Variants in MYO7A observed in about 807,000 individuals in gnomAD.
MYO7A encodes the protein unconventional myosin-VIIa.
In MYO7A, 210 loss-of-function variants were observed where a neutral mutation model predicts 263.8. That is an observed-to-expected ratio of 0.80 (90% confidence interval 0.71 to 0.89). The LOEUF (loss-of-function observed/expected upper bound fraction) is 0.89. Ranked by LOEUF, MYO7A falls within the 40% of genes least tolerant of loss-of-function variation. The probability of loss-of-function intolerance (pLI) is 0.00; values close to 1 mark genes in which losing one functional copy is unlikely to be tolerated. For synonymous variants in MYO7A, 1,239 were observed against 1,197.3 expected, an observed-to-expected ratio of 1.03 and a Z score of -0.72; for missense variants, 2,820 against 2,968.3, an observed-to-expected ratio of 0.95 and a Z score of 1.16.
chr11:77,211,459 T>A, intron 45 of MYO7A, 122 bp downstream of exon 45: 1 of 1,134,682 alleles, frequency 8.8e-7, no homozygotes, highest in Non-Finnish European at 1.2e-6. Context: ...TTCTTGTACT[T>A]GATGAGGCCG....
Position 77,162,268 on chromosome 11 carries a change from A to G in MYO7A, c.1492A>G (p.Met498Val). 1.3e-6 allele frequency: 2 copies of G among 1,554,838 alleles called. No individual in the cohort carries two copies. Among genetic ancestry groups the G allele is most frequent in the Non-Finnish European group, 1.7e-6 (2 of 1,148,628 alleles). The change falls in exon 13 of 49, where the codon ATG becomes GTG. Residue 498 changes from methionine to valine, a missense_variant. By Grantham distance (21) the Met-to-Val change is conservative (BLOSUM62 1). Transcript: ENST00000409709. ...EFTDNQDALD[M>V]IANKPMNIIS... ...CACTGACAACCAGGATGCCCTGGAC[A>G]TGATTGCCAACAAGCCCATGAACAT...
chr11:77,156,142 CA>C lies in MYO7A; in HGVS notation c.470+53del. 3.2e-6 allele frequency: 5 copies of C among 1,585,030 alleles called. No homozygotes were observed. In the Admixed American group the frequency reaches 8.7e-5, roughly 27 times the overall value. On this transcript the variant is annotated intron_variant, in intron 5 of 48. Transcript: ENST00000409709. ...GCTCCAGGCTTAGGACCTAGAGCTC[CA>C]ACTGTGCGCTCCTGCTGATACCTCT...
At chr11:77,136,596 C>T (rs1009055790) in intron 2 of MYO7A, among the ~76,000 whole-genome samples, 2 of 152,218 alleles carry the variant, frequency 1.3e-5, no homozygotes, top group Admixed American at 6.5e-5. Context: ...ACCCCTAACA[C>T]GACTCCCTTA....
At chr11:77,131,254 A>G (rs1485198937) in intron 2 of MYO7A, among the ~76,000 whole-genome samples, 3 of 152,190 alleles carry the variant, frequency 2.0e-5, no homozygotes, top group African/African-American at 7.2e-5. Flanking sequence ...GCCCTGAGCC[A>G]GGTGGGCCTG....
At position 77,179,799 on chromosome 11, in the gene MYO7A, G is replaced by A. The variant is rs1050941800; in HGVS notation, c.2432G>A (p.Arg811His). Residue 811 changes from arginine (R) to histidine (H), a missense_variant, in exon 21 of 49, where the codon CGC (arginine) becomes CAC (histidine). Physicochemically the swap from Arg to His is conservative, Grantham distance 29. Coordinates refer to ENST00000409709, the MANE Select transcript of MYO7A (RefSeq NM_000260.4). ...TCCCGGAAGCTGCACCAGCAGTACC[G>A]CCTGGCCCGCCAGCGCATCATCCAG... is the stretch of plus-strand genomic sequence containing the variant. Reference protein sequence around the residue: ...HRSRKLHQQYRLARQRIIQFQ... With the variant: ...HRSRKLHQQYHLARQRIIQFQ... 78 of 1,548,598 alleles carry A rather than the reference G, an allele frequency of 5.0e-5. No individual in the cohort carries two copies. The highest frequency in any genetic ancestry group is 5.8e-5 in the Non-Finnish European group (67 of 1,149,070).
At position 77,190,154 on chromosome 11, in the gene MYO7A, A is replaced by G. The variant is rs534241957; in HGVS notation, c.3750+15A>G. ...TGGAGCTGCAGGTTCGTGCGTGTGT[A>G]TGCACGTGCTCGTGTGCATGTGTGC... On this transcript the variant is annotated intron_variant, in intron 29 of 48. Coordinates refer to ENST00000409709, the MANE Select transcript of MYO7A (RefSeq NM_000260.4). 3.2e-5 allele frequency: 50 copies of G among 1,547,390 alleles called. No individual in the cohort carries two copies. The highest frequency in any genetic ancestry group is 4.0e-5 in the Non-Finnish European group (46 of 1,146,160).
intron 14 of MYO7A, among the ~76,000 whole-genome samples, chr11:77,163,962 A>G (rs1953276070): frequency 6.6e-6 from 1 of 152,020 alleles, no homozygotes; most frequent in East Asian, 1.9e-4. Context: ...ATTTAGGGAA[A>G]CTGAGGCTCA....
At chr11:77,182,682 T>A in intron 25 of MYO7A, 82 bp downstream of exon 25, 1 of 1,422,156 alleles carries the variant, frequency 7.0e-7, no homozygotes, top group Non-Finnish European at 9.5e-7. Context: ...TGGGCTCCTC[T>A]GCAGAAAAAG....
In MYO7A at chr11:77,203,086, G is replaced by A. The variant is rs760544219; in HGVS notation, c.5195G>A (p.Arg1732His). The A allele has an allele frequency of 5.0e-5, 77 of 1,548,406 alleles. No individual in the cohort carries two copies. The highest frequency in any genetic ancestry group is 1.8e-4 in the Admixed American group (9 of 51,000). The change falls in exon 38 of 49, where the codon CGT becomes CAT. Residue 1732 changes from arginine to histidine, a missense_variant. Transcript: ENST00000409709. The stretch of plus-strand genomic sequence containing the variant: ...CCCCCACCCAAGCACACGCTGAGCC[G>A]TGTCATGGTGTCCAAGGCCCGAGGC... ...FRPPPKHTLS[R>H]VMVSKARGKD...
intron 7 of MYO7A, 79 bp downstream of exon 7, chr11:77,157,083 T>C: frequency 6.4e-7 from 1 of 1,555,312 alleles, no homozygotes; most frequent in Non-Finnish European, 8.7e-7. Context: ...CTGCCCGTAT[T>C]GCTGCCCGTA....
chr11:77,147,782 TTCTG>T lies in MYO7A; in HGVS notation c.133-15_133-12del. 1 of 1,606,154 alleles carries T rather than the reference TTCTG, an allele frequency of 6.2e-7. No individual in the cohort carries two copies. Among genetic ancestry groups the T allele is most frequent in the Non-Finnish European group, 8.5e-7 (1 of 1,177,122 alleles). ...TGGGCCCCAGGAGAGCACGCTGACG[TTCTG>T]GCTCCCCGCAGGAACACTGGATCTC... is the stretch of plus-strand genomic sequence containing the variant. On this transcript the variant is annotated splice_polypyrimidine_tract_variant and intron_variant, in intron 3 of 48. Coordinates refer to ENST00000409709, the MANE Select transcript of MYO7A (RefSeq NM_000260.4).
chr11:77,174,138 G>GC lies in MYO7A; in HGVS notation c.1936-614dup, dbSNP rs111460766. On this transcript the variant is annotated intron_variant, in intron 16 of 48. Coordinates refer to ENST00000409709, the MANE Select transcript of MYO7A (RefSeq NM_000260.4). ...CATCCATGGATGAGGCCCTCACAGA[G>GC]CCCCACAGCCTCACAGCCCAGCACC... is the stretch of plus-strand genomic sequence containing the variant. 3.5e-3 allele frequency among the ~76,000 whole-genome samples: 535 copies of GC among 152,192 alleles called. 6 individuals carry two copies. Among genetic ancestry groups the GC allele is most frequent in the African/African-American group, 0.011 (455 of 41,514 alleles).
chr11:77,193,084 T>TGG, intron 31 of MYO7A, among the ~76,000 whole-genome samples: 4 of 36,224 alleles, frequency 1.1e-4, no homozygotes, highest in Non-Finnish European at 1.7e-4. Context: ...AGGTAGTTGT[T>TGG]TGTGATGGTG....
At chr11:77,202,989 T>A in intron 37 of MYO7A, 71 bp from the exon 38 acceptor site, 1 of 1,516,508 alleles carries the variant, frequency 6.6e-7, no homozygotes, top group East Asian at 2.5e-5. Flanking sequence ...GGTGGGGGTC[T>A]CACAACCTGG....
At chr11:77,152,352 C>T (rs1027256066) in intron 4 of MYO7A, among the ~76,000 whole-genome samples, 5 of 152,210 alleles carry the variant, frequency 3.3e-5, no homozygotes, top group African/African-American at 9.6e-5. Flanking sequence ...CAGGCCTGTC[C>T]CCTCGCTACC....
chr11:77,129,987 AGGCCCAG>A (rs1950723016), intron 1 of MYO7A, among the ~76,000 whole-genome samples: 1 of 148,766 alleles, frequency 6.7e-6, no homozygotes, highest in Admixed American at 6.7e-5. Context: ...GCCCGGGCCC[AGGCCCAG>A]GTGCGGTGCA....
rs375230007 is a variant in MYO7A at position 77,202,607 on chromosome 11, T to C, written c.5168+183T>C. Among the ~76,000 whole-genome samples the C allele has an allele frequency of 1.6e-4, 25 of 152,180 alleles. No homozygotes were observed. The East Asian group carries it at 2.9e-3, about 18-fold the overall frequency. ...CCCGTCCTATGTGTCTCATCTTATC[T>C]TCCTTCCTTCAAGAGATGTCACTGC... On this transcript the variant is annotated intron_variant, in intron 37 of 48. Coordinates refer to ENST00000409709, the MANE Select transcript of MYO7A (RefSeq NM_000260.4).
chr11:77,156,220 C>A, intron 5 of MYO7A, 129 bp downstream of exon 5: 2 of 974,310 alleles, frequency 2.1e-6, no homozygotes, highest in Non-Finnish European at 3.0e-6. Context: ...GGAACCAGAC[C>A]TATGTACTCT....
intron 5 of MYO7A, 40 bp from the exon 6 acceptor site, chr11:77,156,620 T>G: frequency 1.9e-6 from 3 of 1,609,566 alleles, no homozygotes; most frequent in Non-Finnish European, 2.5e-6. Flanking sequence ...GGGGAGTCCC[T>G]GTGGGTTGTG....
Sources: allele counts gnomAD v4.1 joint callset (sites outside exome capture counted in the v4.1 genomes callset), GRCh38; gene constraint gnomAD v4.1.1; transcripts MANE v1.5; gene names NCBI Gene and HGNC (gene_info 2026-07-23, HGNC 2026-07-21).